C16orf78: variants seen among roughly 807,000 people sequenced by gnomAD.
C16orf78 encodes uncharacterized protein C16orf78.
In C16orf78, 19 loss-of-function variants were observed where a neutral mutation model predicts 27.3. The ratio of observed to expected loss-of-function variants is 0.70; its 90% CI spans 0.49 to 1.02. The LOEUF (loss-of-function observed/expected upper bound fraction) is 1.02. Ranked by LOEUF, C16orf78 falls within the 50% of genes least tolerant of loss-of-function variation. The pLI is 0.00. For synonymous variants in C16orf78, 130 were observed against 116.1 expected, an observed-to-expected ratio of 1.12 and a Z score of -0.77; for missense variants, 339 against 337.0, an observed-to-expected ratio of 1.01 and a Z score of -0.05.
intron 3 of C16orf78, among the ~76,000 whole-genome samples, chr16:49,393,607 A>C (rs2151615686): frequency 6.6e-6 from 1 of 152,296 alleles, no homozygotes; most frequent in Non-Finnish European, 1.5e-5. Flanking sequence ...GCTCAGAAGA[A>C]AATTTACAGT....
In C16orf78 at chr16:49,396,475, A is replaced by T; in HGVS notation, c.447A>T (p.Pro149=). ...VDPESTQRPN[P]FRRQSIVLDP... ...CAGAGTCCACTCAGCGGCCAAACCCATTCCGTCGACAAAGCATTGTCTTAG... is the reference window on the plus strand; with the variant it reads ...CAGAGTCCACTCAGCGGCCAAACCCTTTCCGTCGACAAAGCATTGTCTTAG... Residue 149 remains proline (P), a synonymous_variant, in exon 4 of 5, where the codon CCA becomes CCT. Transcript: ENST00000299191. 6.2e-7 allele frequency: 1 copy of T among 1,614,152 alleles called. No homozygotes were observed. Among genetic ancestry groups the T allele is most frequent in the Non-Finnish European group, 8.5e-7 (1 of 1,180,028 alleles).
In C16orf78 at chr16:49,399,353, C is replaced by A; in HGVS notation, c.*75C>A. On this transcript the variant is annotated 3_prime_UTR_variant, in exon 5 of 5. Coordinates refer to ENST00000299191, the MANE Select transcript of C16orf78 (RefSeq NM_144602.4). ...CACCTCCAGATGCCATCCTCTGGCA[C>A]ACTACAAGTGGTCCTTCCAACTTAG... The A allele has an allele frequency of 6.5e-7, 1 of 1,536,180 alleles. No homozygotes were observed.
At chr16:49,383,687 T>C (rs546710893) in intron 3 of C16orf78, among the ~76,000 whole-genome samples, 40 of 152,362 alleles carry the variant, frequency 2.6e-4, no homozygotes, top group African/African-American at 8.7e-4. Flanking sequence ...GTTATTTATG[T>C]CTTTATATTT....
At chr16:49,386,856 G>T (rs369136195) in intron 3 of C16orf78, among the ~76,000 whole-genome samples, 1 of 152,138 alleles carries the variant, frequency 6.6e-6, no homozygotes, top group Non-Finnish European at 1.5e-5. Flanking sequence ...ATCAATGGGC[G>T]TTTAAGTTGA....
chr16:49,385,838 C>A (rs896395637), intron 3 of C16orf78, among the ~76,000 whole-genome samples: 3 of 151,766 alleles, frequency 2.0e-5, no homozygotes, highest in African/African-American at 7.3e-5. Flanking sequence ...AAAACAATGA[C>A]CAAAATGACA....
intron 2 of C16orf78, 125 bp downstream of exon 2, chr16:49,377,975 C>A: frequency 7.6e-7 from 1 of 1,309,662 alleles, no homozygotes; most frequent in Non-Finnish European, 1.0e-6. Flanking sequence ...TTCACTCTGG[C>A]CCCACATTAA....
intron 3 of C16orf78, among the ~76,000 whole-genome samples, chr16:49,383,534 G>A (rs1965312174): frequency 6.6e-6 from 1 of 152,190 alleles, no homozygotes; most frequent in East Asian, 1.9e-4. Context: ...ACTGGGTCCT[G>A]TAGCTTCTGC....
At chr16:49,380,553 C>G (rs528573991) in intron 3 of C16orf78, among the ~76,000 whole-genome samples, 52 of 152,250 alleles carry the variant, frequency 3.4e-4, no homozygotes, top group African/African-American at 8.9e-4. Context: ...CTCCTGAAAC[C>G]TCTCACACGA....
At chr16:49,384,966 G>A (rs1372532778) in intron 3 of C16orf78, among the ~76,000 whole-genome samples, 1 of 152,124 alleles carries the variant, frequency 6.6e-6, no homozygotes, top group Non-Finnish European at 1.5e-5. Context: ...AGAAATAAGA[G>A]GAAAGGACTT....
chr16:49,398,124 C>A (rs908747016), intron 4 of C16orf78, among the ~76,000 whole-genome samples: 1 of 152,152 alleles, frequency 6.6e-6, no homozygotes, highest in African/African-American at 2.4e-5. Flanking sequence ...CTAGGCTGAT[C>A]AGGGAAAAAG....
At position 49,382,111 on chromosome 16, in the gene C16orf78, C is replaced by G. The variant is rs536912173; in HGVS notation, c.394+3518C>G. ...AAAAAATGATGAGTTCATGTCCTTTCTAGGGACATGGATGAAATTGGAAAT... is the reference window on the plus strand; with the variant it reads ...AAAAAATGATGAGTTCATGTCCTTTGTAGGGACATGGATGAAATTGGAAAT... On this transcript the variant is annotated intron_variant, in intron 3 of 4. Transcript: ENST00000299191. Among the ~76,000 whole-genome samples the G allele has an allele frequency of 2.2e-3, 330 of 152,270 alleles. 3 individuals carry two copies. The highest frequency in any genetic ancestry group is 6.7e-3 in the African/African-American group (279 of 41,556).
chr16:49,393,739 C>T (rs1314848611), intron 3 of C16orf78, among the ~76,000 whole-genome samples: 2 of 151,948 alleles, frequency 1.3e-5, no homozygotes, highest in Non-Finnish European at 2.9e-5. Flanking sequence ...ATATTAAATA[C>T]TGGCTGGGAT....
chr16:49,390,991 G>A lies in C16orf78; in HGVS notation c.395-5432G>A, dbSNP rs926161959. Among the ~76,000 whole-genome samples the A allele has an allele frequency of 3.9e-5, 6 of 152,262 alleles. No homozygotes were observed. In the East Asian group the frequency reaches 5.8e-4, roughly 15 times the overall value. On this transcript the variant is annotated intron_variant, in intron 3 of 4. Coordinates refer to ENST00000299191, the MANE Select transcript of C16orf78 (RefSeq NM_144602.4). The stretch of plus-strand genomic sequence containing the variant: ...GTGTGTTGTCCGATGTCTTAAAACC[G>A]CTATTTCATATGACATGCCCAATTT...
intron 3 of C16orf78, among the ~76,000 whole-genome samples, chr16:49,387,152 G>A (rs1420989180): frequency 6.6e-6 from 1 of 151,810 alleles, no homozygotes; most frequent in African/African-American, 2.4e-5. Flanking sequence ...ACTGGTGTGA[G>A]ATGGTATCTC....
In C16orf78 at chr16:49,374,030, C is replaced by T. The variant is rs1596916027; in HGVS notation, c.91C>T (p.Leu31Phe). The T allele has an allele frequency of 6.2e-7, 1 of 1,614,162 alleles. No individual in the cohort carries two copies. The highest frequency in any genetic ancestry group is 8.5e-7 in the Non-Finnish European group (1 of 1,180,024). ...KTAEDRRMSD[L>F]TCVLEWLERR... ...TGCTGAAGATAGGCGCATGTCTGAC[C>T]TCACCTGTGTGCTGGAGTGGCTGGA... is the stretch of plus-strand genomic sequence containing the variant. Residue 31 changes from leucine to phenylalanine, a missense_variant, in exon 1 of 5, where the codon CTC becomes TTC. Physicochemically the swap from Leu to Phe is conservative, Grantham distance 22. Transcript: ENST00000299191.
At position 49,399,138 on chromosome 16, in the gene C16orf78, A is replaced by G; in HGVS notation, c.658A>G (p.Arg220Gly). The G allele has an allele frequency of 1.2e-6, 2 of 1,613,982 alleles. No homozygotes were observed. The highest frequency in any genetic ancestry group is 1.7e-6 in the Non-Finnish European group (2 of 1,179,908). ...TTGCCTTCTCTTGAACAGATACCTG[A>G]GGTTATCCAAGGAGAACATTCGGAC... ...PEEVLSCRYL[R>G]LSKENIRTLL... is the part of the protein sequence containing the mutation. The change falls in exon 5 of 5, where the codon AGG becomes GGG. Residue 220 changes from arginine to glycine, a missense_variant. Physicochemically the swap from Arg to Gly is moderately radical, Grantham distance 125 (BLOSUM62 -2). Transcript: ENST00000299191.
At chr16:49,395,897 G>A (rs766332874) in intron 3 of C16orf78, among the ~76,000 whole-genome samples, 4 of 152,112 alleles carry the variant, frequency 2.6e-5, no homozygotes, top group South Asian at 2.1e-4. Context: ...GAAGGGAGTC[G>A]GAACAGGGCA....
chr16:49,381,662 A>T (rs1291807187), intron 3 of C16orf78, among the ~76,000 whole-genome samples: 3 of 151,534 alleles, frequency 2.0e-5, no homozygotes. Flanking sequence ...CACATGAAAA[A>T]ATGCTCATCA....
chr16:49,376,093 C>T (rs980869102), intron 1 of C16orf78, among the ~76,000 whole-genome samples: 8 of 152,190 alleles, frequency 5.3e-5, no homozygotes, highest in African/African-American at 1.9e-4. Flanking sequence ...ATGATGTGTG[C>T]TGGCAGGTCT....
Sources: gnomAD v4.1 joint callset for allele counts (sites outside exome capture counted in the v4.1 genomes callset) on GRCh38, gnomAD v4.1.1 for gene constraint, MANE v1.5 for transcripts, NCBI Gene and HGNC (gene_info 2026-07-23, HGNC 2026-07-21) for gene names.